Variants in ABI3BP observed in about 807,000 individuals in gnomAD.
ABI3BP encodes the protein ABI family member 3 binding protein.
A neutral mutation model predicts 268.6 loss-of-function variants in ABI3BP; 216 were observed. The ratio of observed to expected loss-of-function variants is 0.80; its 90% CI spans 0.72 to 0.90. The LOEUF (loss-of-function observed/expected upper bound fraction) is 0.90. Among genes scored for constraint, ABI3BP ranks in the 40% least tolerant of loss-of-function variants. The probability of loss-of-function intolerance (pLI) is 0.00; values close to 1 mark genes in which losing one functional copy is unlikely to be tolerated. For missense variants in ABI3BP, 2,090 were observed against 2,182.4 expected (o/e 0.96, Z 0.84); for synonymous variants, 730 against 730.0 (o/e 1.00, Z 0.00).
At chr3:100,889,925 A>G (rs764338078) in intron 4 of ABI3BP, among the ~76,000 whole-genome samples, 1 of 152,086 alleles carries the variant, frequency 6.6e-6, no homozygotes, top group Non-Finnish European at 1.5e-5. Flanking sequence ...TTAAGCATCA[A>G]TTTCTCAGAG....
intron 1 of ABI3BP, among the ~76,000 whole-genome samples, chr3:100,955,167 G>A (rs1180279949): frequency 6.6e-6 from 1 of 151,944 alleles, no homozygotes; most frequent in Non-Finnish European, 1.5e-5. Context: ...CATATTTCTA[G>A]CATGAAGGGC....
At chr3:100,987,964 T>A (rs965047512) in intron 1 of ABI3BP, among the ~76,000 whole-genome samples, 2 of 152,256 alleles carry the variant, frequency 1.3e-5, no homozygotes, top group African/African-American at 4.8e-5. Flanking sequence ...AATAATTTCT[T>A]GCTTGGTGGT....
At position 100,875,515 on chromosome 3, in the gene ABI3BP, C is replaced by T; in HGVS notation, c.810G>A (p.Val270=). 6.2e-7 allele frequency: 1 copy of T among 1,609,950 alleles called. No homozygotes were observed. The highest frequency in any genetic ancestry group is 1.1e-5 in the South Asian group (1 of 91,004). Residue 270 remains valine (V), a synonymous_variant, in exon 8 of 68, where the codon GTG becomes GTA. Transcript: ENST00000471714. The part of the protein sequence containing the change: ...KSPEKAPLGG[V]ILVHLIIPGL... ...ATTTCGAGATCCACTCACCTAGTAT[C>T]ACTCCTCCCAGTGGAGCTTTTTCTG...
intron 3 of ABI3BP, among the ~76,000 whole-genome samples, chr3:100,901,948 T>C (rs1162869464): frequency 6.6e-6 from 1 of 152,178 alleles, no homozygotes; most frequent in Non-Finnish European, 1.5e-5. Context: ...TTTTAATCTT[T>C]AGTTATGTAG....
In ABI3BP at chr3:100,914,059, T is replaced by C. The variant is rs151124933; in HGVS notation, c.260-11373A>G. Among the ~76,000 whole-genome samples the C allele has an allele frequency of 4.6e-5, 7 of 152,216 alleles. No individual in the cohort carries two copies. In the East Asian group the frequency reaches 1.4e-3, roughly 29 times the overall value. On this transcript the variant is annotated intron_variant, in intron 2 of 67. Transcript: ENST00000471714. The stretch of plus-strand genomic sequence containing the variant: ...AAAAAATAATTAGAGGGTTGGGAAA[T>C]AGCACAATCAGCACAAACAAGTATT...
At chr3:100,873,365 A>G (rs940095730) in intron 9 of ABI3BP, among the ~76,000 whole-genome samples, 10 of 152,194 alleles carry the variant, frequency 6.6e-5, no homozygotes, top group Admixed American at 1.3e-4. Flanking sequence ...CAAGAAAAAG[A>G]CATCAACATT....
rs2097348218 is a variant in ABI3BP, at chr3:100,796,439, G to A, written c.3787C>T (p.Pro1263Ser). The change falls in exon 52 of 68, where the codon CCA (proline) becomes TCA (serine). Residue 1263 changes from proline to serine, a missense_variant. Physicochemically the swap from Pro to Ser is moderately conservative, Grantham distance 74. Transcript: ENST00000471714. Reference sequence around the variant, plus strand: ...TCGCTCTGAGAGACCTCAGGGTATGGTTTATGAGGAAGGAGCACATCTTTT... The same window carrying A: ...TCGCTCTGAGAGACCTCAGGGTATGATTTATGAGGAAGGAGCACATCTTTT... ...APKDVLLPHK[P>S]YPEVSQSEPV... is the part of the protein sequence containing the mutation. The A allele has an allele frequency of 6.2e-7, 1 of 1,602,932 alleles. No individual in the cohort carries two copies. The highest frequency in any genetic ancestry group is 1.3e-5 in the African/African-American group (1 of 74,424).
At chr3:100,959,212 C>T (rs540943849) in intron 1 of ABI3BP, among the ~76,000 whole-genome samples, 7 of 152,210 alleles carry the variant, frequency 4.6e-5, no homozygotes, top group Middle Eastern at 3.4e-3. Flanking sequence ...AAGGCTGGGC[C>T]GGGCGCGGTG....
At chr3:100,832,426 T>G in intron 30 of ABI3BP, 76 bp from the exon 31 acceptor site, 2 of 1,327,762 alleles carry the variant, frequency 1.5e-6, no homozygotes, top group Non-Finnish European at 2.1e-6. Flanking sequence ...TAGCTCTAAG[T>G]TTTAAAATAC....
intron 3 of ABI3BP, among the ~76,000 whole-genome samples, chr3:100,899,199 G>A (rs2049030520): frequency 6.6e-6 from 1 of 152,100 alleles, no homozygotes; most frequent in African/African-American, 2.4e-5. Flanking sequence ...ATTTTCTTGT[G>A]GGTCAGGGAA....
chr3:100,772,499 C>A (rs1238950596), intron 61 of ABI3BP, among the ~76,000 whole-genome samples: 1 of 152,102 alleles, frequency 6.6e-6, no homozygotes, highest in Non-Finnish European at 1.5e-5. Context: ...GTGTGAGGTT[C>A]TTATATGTGA....
At chr3:100,874,814 G>A in intron 9 of ABI3BP, 27 bp downstream of exon 9, 5 of 1,417,924 alleles carry the variant, frequency 3.5e-6, no homozygotes, top group Non-Finnish European at 4.9e-6. Flanking sequence ...TTACTGCAAA[G>A]TTCAAATACA....
Position 100,833,111 on chromosome 3 carries a change from TAG to T in ABI3BP, c.2314+12_2314+13del, listed in dbSNP as rs1208955204. 1.3e-6 allele frequency: 2 copies of T among 1,533,660 alleles called. No homozygotes were observed. Among genetic ancestry groups the T allele is most frequent in the Admixed American group, 2.0e-5 (1 of 50,872 alleles). On this transcript the variant is annotated intron_variant, in intron 30 of 67. Transcript: ENST00000471714. ...AAGAAAAAGGACTTGCTGAAGGACA[TAG>T]AGAGTCATTACCTGAAGATGTCCCA...
chr3:100,830,013 TATTTTACTCTTTACTTGGGAAA>T (rs2098456801), intron 32 of ABI3BP, among the ~76,000 whole-genome samples: 1 of 149,416 alleles, frequency 6.7e-6, no homozygotes, highest in African/African-American at 2.5e-5. Flanking sequence ...ACCTTGGGCA[TATTTTACTCTTTACTTGGGAAA>T]ATTTTACTCT....
chr3:100,866,745 A>C, intron 10 of ABI3BP, 134 bp downstream of exon 10: 1 of 699,256 alleles, frequency 1.4e-6, no homozygotes, highest in East Asian at 2.8e-5. Flanking sequence ...GAGACCTAGA[A>C]TCTCCTACTG....
At chr3:100,791,894 T>C (rs988245596) in intron 55 of ABI3BP, among the ~76,000 whole-genome samples, 4 of 151,838 alleles carry the variant, frequency 2.6e-5, no homozygotes, top group African/African-American at 9.7e-5. Context: ...CCCACCAACT[T>C]TCCCCCTCAA....
intron 31 of ABI3BP, among the ~76,000 whole-genome samples, 184 bp from the exon 32 acceptor site, chr3:100,830,818 G>A (rs144453629): frequency 1.9e-4 from 29 of 152,124 alleles, no homozygotes; most frequent in Middle Eastern, 3.4e-3. Flanking sequence ...TCAGGTACTC[G>A]TTTGACTCAG....
chr3:100,985,514 AT>A (rs1319164752), intron 1 of ABI3BP, among the ~76,000 whole-genome samples: 3 of 152,076 alleles, frequency 2.0e-5, no homozygotes, highest in Non-Finnish European at 2.9e-5. Flanking sequence ...TACTATGTTA[AT>A]TTTTTTCTTA....
intron 9 of ABI3BP, among the ~76,000 whole-genome samples, chr3:100,867,468 T>G (rs1215933104): frequency 2.6e-5 from 4 of 151,358 alleles, no homozygotes; most frequent in Non-Finnish European, 5.9e-5. Flanking sequence ...GGTGAAACCC[T>G]GTCTCTACTA....
Sources: allele counts gnomAD v4.1 joint callset (sites outside exome capture counted in the v4.1 genomes callset), GRCh38; gene constraint gnomAD v4.1.1; transcripts MANE v1.5; gene names NCBI Gene and HGNC (gene_info 2026-07-23, HGNC 2026-07-21).